The following CPS1 variants were observed in gnomAD, a reference collection of about 807,000 sequenced individuals.
CPS1 encodes the protein carbamoyl-phosphate synthase [ammonia], mitochondrial.
In CPS1, 109 loss-of-function variants were observed where a neutral mutation model predicts 174.6. The ratio of observed to expected loss-of-function variants is 0.62; its 90% CI spans 0.53 to 0.73. CPS1 has a LOEUF of 0.73. Ranked by LOEUF, CPS1 falls within the 30% of genes least tolerant of loss-of-function variation. The probability of loss-of-function intolerance (pLI) is 0.00; values close to 1 mark genes in which losing one functional copy is unlikely to be tolerated. For missense variants in CPS1, 1,689 were observed against 1,821.9 expected (o/e 0.93, Z 1.33); for synonymous variants, 637 against 632.0 (o/e 1.01, Z -0.12).
At chr2:210,644,860 T>C (rs1700328296) in intron 25 of CPS1, among the ~76,000 whole-genome samples, 1 of 152,136 alleles carries the variant, frequency 6.6e-6, no homozygotes, top group Admixed American at 6.6e-5. Context: ...AAAACTAAGA[T>C]GGGTAAAAAG....
chr2:210,663,045 A>C, intron 32 of CPS1, 78 bp from the exon 33 acceptor site: 544 of 1,210,352 alleles, frequency 4.5e-4, no homozygotes, highest in Non-Finnish European at 5.9e-4. Flanking sequence ...ATGATTTGCT[A>C]ATATATTTAT....
chr2:210,592,924 C>T lies in CPS1; in HGVS notation c.1132C>T (p.Pro378Ser). 1 of 1,612,372 alleles carries T rather than the reference C, an allele frequency of 6.2e-7. No homozygotes were observed. Among genetic ancestry groups the T allele is most frequent in the Non-Finnish European group, 8.5e-7 (1 of 1,178,998 alleles). Residue 378 changes from proline to serine, a missense_variant, in exon 11 of 38, where the codon CCA becomes TCA. Physicochemically the swap from Pro to Ser is moderately conservative, Grantham distance 74 (BLOSUM62 -1). Transcript: ENST00000233072. ...ACCCTTCTTCGCTGTGCAGTTCCAC[C>T]CAGAGGTCACCCCGGGGCCAATAGA... The part of the protein sequence containing the change: ...SKPFFAVQFH[P>S]EVTPGPIDTE...
At chr2:210,545,570 A>G (rs1696539635) in intron 1 of CPS1, among the ~76,000 whole-genome samples, 1 of 151,984 alleles carries the variant, frequency 6.6e-6, no homozygotes, top group African/African-American at 2.4e-5. Flanking sequence ...TGCCTTATGT[A>G]TTTATAGCAT....
rs1054783288 is a variant in CPS1, at chr2:210,570,506, T to C, written c.127-2792T>C. On this transcript the variant is annotated intron_variant, in intron 1 of 37. Transcript: ENST00000233072. ...TATGGGATAATTTGAAATTCTCAGA[T>C]GAGAAAAGAGAAAAGCAAAATAAAA... Among the ~76,000 whole-genome samples, 6 of 151,782 alleles carry C rather than the reference T, an allele frequency of 4.0e-5. No homozygotes were observed. In the East Asian group the frequency reaches 1.2e-3, roughly 29 times the overall value.
intron 1 of CPS1, among the ~76,000 whole-genome samples, chr2:210,487,825 G>A (rs751565544): frequency 1.3e-5 from 2 of 151,980 alleles, no homozygotes; most frequent in Admixed American, 1.3e-4. Context: ...ATATCAATTC[G>A]TAAAAAGCCA....
intron 21 of CPS1, 108 bp downstream of exon 21, chr2:210,616,649 A>G (rs796655717): frequency 5.4e-4 from 425 of 793,174 alleles, no homozygotes; most frequent in South Asian, 3.7e-4. Context: ...AATGAGGTAG[A>G]TAGTGCCATT....
chr2:210,480,869 C>T (rs769340204), intron 1 of CPS1, among the ~76,000 whole-genome samples: 11 of 152,182 alleles, frequency 7.2e-5, no homozygotes, highest in Non-Finnish European at 1.5e-4. Context: ...CTGTGTACTA[C>T]TGAAGCAATT....
At chr2:210,570,392 C>A (rs2106066821) in intron 1 of CPS1, among the ~76,000 whole-genome samples, 1 of 151,940 alleles carries the variant, frequency 6.6e-6, no homozygotes, top group East Asian at 1.9e-4. Flanking sequence ...AAATACCAAA[C>A]AGAATTGTAG....
chr2:210,628,413 C>T (rs1291604380), intron 21 of CPS1, among the ~76,000 whole-genome samples: 2 of 152,218 alleles, frequency 1.3e-5, no homozygotes, highest in Non-Finnish European at 2.9e-5. Context: ...AAAATAACTT[C>T]TCCTTTTCCT....
At chr2:210,581,330 C>G (rs1320480706) in intron 5 of CPS1, among the ~76,000 whole-genome samples, 1 of 152,096 alleles carries the variant, frequency 6.6e-6, no homozygotes, top group Admixed American at 6.6e-5. Flanking sequence ...TAGGTTAAAA[C>G]GAGCCCTCCT....
chr2:210,610,451 C>T (rs919968115), intron 19 of CPS1, among the ~76,000 whole-genome samples: 1 of 151,890 alleles, frequency 6.6e-6, no homozygotes, highest in Non-Finnish European at 1.5e-5. Context: ...GATACATTGT[C>T]TGCAGTTGGT....
intron 27 of CPS1, 75 bp from the exon 28 acceptor site, chr2:210,650,288 G>A: frequency 8.2e-7 from 1 of 1,213,838 alleles, no homozygotes; most frequent in Non-Finnish European, 1.2e-6. Flanking sequence ...TAGGTTGTCT[G>A]GAACTGTTCT....
At chr2:210,676,196 G>A (rs933642999) in intron 36 of CPS1, among the ~76,000 whole-genome samples, 9 of 152,172 alleles carry the variant, frequency 5.9e-5, no homozygotes, top group Non-Finnish European at 1.3e-4. Context: ...CTAAGGTTGT[G>A]CATAATAAAT....
intron 27 of CPS1, among the ~76,000 whole-genome samples, chr2:210,649,432 T>C (rs1161725079): frequency 1.3e-5 from 2 of 152,228 alleles, no homozygotes; most frequent in Non-Finnish European, 2.9e-5. Flanking sequence ...TAAGCATTAT[T>C]GCTCTAGCCT....
chr2:210,590,520 C>G (rs137915289), intron 8 of CPS1, among the ~76,000 whole-genome samples: 1 of 151,868 alleles, frequency 6.6e-6, no homozygotes, highest in African/African-American at 2.4e-5. Flanking sequence ...AGTTTTAAAC[C>G]GACAACTCAT....
At chr2:210,573,615 A>T (rs193140043) in intron 2 of CPS1, among the ~76,000 whole-genome samples, 2 of 152,198 alleles carry the variant, frequency 1.3e-5, no homozygotes, top group African/African-American at 4.8e-5. Flanking sequence ...GAAAGACAAC[A>T]TGGGCACACT....
At chr2:210,612,559 G>A (rs1340088425) in intron 20 of CPS1, among the ~76,000 whole-genome samples, 1 of 151,826 alleles carries the variant, frequency 6.6e-6, no homozygotes, top group African/African-American at 2.4e-5. Context: ...TAGATAAAAT[G>A]TCCCCCTTTT....
At position 210,561,100 on chromosome 2, in the gene CPS1, TAA is replaced by T. The variant is rs547879141; in HGVS notation, c.126+4244_126+4245del. Among the ~76,000 whole-genome samples the T allele has an allele frequency of 4.2e-3, 639 of 152,302 alleles. 2 individuals carry two copies. Among genetic ancestry groups the T allele is most frequent in the Non-Finnish European group, 6.3e-3 (426 of 68,024 alleles). On this transcript the variant is annotated intron_variant, in intron 1 of 37. Transcript: ENST00000233072. ...TCCATTTTTTATATCCCCAATTTTC[TAA>T]AATATAGATTCATTTATTAGTCACC...
chr2:210,594,372 CA>C (rs1559095012), intron 11 of CPS1, 135 bp from the exon 12 acceptor site: 1 of 663,192 alleles, frequency 1.5e-6, no homozygotes, highest in Non-Finnish European at 2.6e-6. Context: ...GACAAAAAAG[CA>C]AAAAAAGCTG....
Sources: gnomAD v4.1 joint callset for allele counts (sites outside exome capture counted in the v4.1 genomes callset) on GRCh38, gnomAD v4.1.1 for gene constraint, MANE v1.5 for transcripts, NCBI Gene and HGNC (gene_info 2026-07-23, HGNC 2026-07-21) for gene names.